Variants in RBL2 observed in about 807,000 individuals in gnomAD.
The protein encoded by RBL2 is retinoblastoma-like protein 2.
RBL2 carries 56 observed loss-of-function variants against 126.0 expected under a neutral mutation model. The observed-to-expected ratio is 0.44, with a 90% CI of 0.36 to 0.56. The LOEUF (loss-of-function observed/expected upper bound fraction) is 0.56, where lower values mean the gene tolerates loss of function less well. Ranked by LOEUF, RBL2 falls within the 20% of genes least tolerant of loss-of-function variation. The probability of loss-of-function intolerance (pLI) is 0.00; values close to 1 mark genes in which losing one functional copy is unlikely to be tolerated. For missense variants in RBL2, 1,229 were observed against 1,398.2 expected (o/e 0.88, Z 1.93); for synonymous variants, 454 against 478.5 (o/e 0.95, Z 0.67).
At chr16:53,449,949 C>T (rs1020387295) in intron 4 of RBL2, among the ~76,000 whole-genome samples, 8 of 143,578 alleles carry the variant, frequency 5.6e-5, no homozygotes, top group African/African-American at 2.0e-4. Context: ...TTAGATGTTA[C>T]AGTACTGCCT....
chr16:53,470,687 G>A (rs374267390), intron 16 of RBL2, 24 bp downstream of exon 16: 39 of 1,612,814 alleles, frequency 2.4e-5, no homozygotes, highest in Non-Finnish European at 3.2e-5. Context: ...TACCTTATCA[G>A]AGCATGAGCT....
chr16:53,444,788 C>T (rs2058046837), intron 3 of RBL2, among the ~76,000 whole-genome samples: 1 of 151,996 alleles, frequency 6.6e-6, no homozygotes, highest in Non-Finnish European at 1.5e-5. Context: ...TCGGAGGTTT[C>T]AGTGAGCTGC....
chr16:53,477,063 G>GTC (rs947468064), intron 17 of RBL2, among the ~76,000 whole-genome samples: 1 of 149,306 alleles, frequency 6.7e-6, no homozygotes, highest in Non-Finnish European at 1.5e-5. Context: ...CATTTTGTGT[G>GTC]TGTGTGTGTG....
Position 53,465,513 on chromosome 16 carries a change from C to G in RBL2, c.1774C>G (p.Gln592Glu), listed in dbSNP as rs1208321003. 6.2e-6 allele frequency: 10 copies of G among 1,605,950 alleles called. No individual in the cohort carries two copies. Among genetic ancestry groups the G allele is most frequent in the East Asian group, 2.3e-5 (1 of 44,246 alleles). Reference sequence around the variant, plus strand: ...AAAACACCTTAATCAGATTGAAGAACAGATCTTAGATCATTTGGCATGGAA... The same window carrying G: ...AAAACACCTTAATCAGATTGAAGAAGAGATCTTAGATCATTTGGCATGGAA... ...VVKHLNQIEE[Q>E]ILDHLAWKPE... The change falls in exon 13 of 22, where the codon CAG becomes GAG. Residue 592 changes from glutamine to glutamate, a missense_variant. Gln to Glu is a conservative substitution (Grantham distance 29). This residue lies in a region of RBL2 where 1,070 missense variants were observed against 1,274.3 expected (regional missense o/e 0.84). Coordinates refer to ENST00000262133, the MANE Select transcript of RBL2 (RefSeq NM_005611.4).
chr16:53,479,080 C>A, intron 17 of RBL2, 74 bp from the exon 18 acceptor site: 2 of 1,177,922 alleles, frequency 1.7e-6, no homozygotes, highest in Non-Finnish European at 2.5e-6. Context: ...TACTGGGCAG[C>A]AGGTTCACAG....
At chr16:53,464,654 C>T in intron 12 of RBL2, 1 of 234,186 alleles carries the variant, frequency 4.3e-6, no homozygotes, top group Non-Finnish European at 8.1e-6. Context: ...AAGTAGCACA[C>T]ATGTCACTAG....
At chr16:53,487,585 C>A (rs543062370) in intron 21 of RBL2, 1 of 152,142 alleles carries the variant, frequency 6.6e-6, no homozygotes, top group Non-Finnish European at 1.5e-5. Flanking sequence ...AACTACAAAA[C>A]CTCTAGAAGA....
At chr16:53,435,787 G>A in intron 1 of RBL2, 1 of 1,234,300 alleles carries the variant, frequency 8.1e-7, no homozygotes, top group Non-Finnish European at 1.1e-6. Flanking sequence ...GTACTGATGA[G>A]TGAGGTTATT....
chr16:53,463,503 A>G (rs2058242531), intron 11 of RBL2, among the ~76,000 whole-genome samples: 1 of 150,242 alleles, frequency 6.7e-6, no homozygotes, highest in Admixed American at 6.6e-5. Flanking sequence ...CGGCCTTCCA[A>G]AGTGCTGGAA....
At chr16:53,486,434 A>C (rs1004397329) in intron 21 of RBL2, among the ~76,000 whole-genome samples, 1 of 152,244 alleles carries the variant, frequency 6.6e-6, no homozygotes, top group South Asian at 2.1e-4. Context: ...TGGTTTAAAA[A>C]CCTCCTGTCA....
At chr16:53,435,641 T>G in intron 1 of RBL2, 1 of 1,287,566 alleles carries the variant, frequency 7.8e-7, no homozygotes, top group Admixed American at 2.3e-5. Context: ...TTTGACTGTG[T>G]GTGTGGCATT....
At chr16:53,473,762 A>G (rs1960610463) in intron 17 of RBL2, among the ~76,000 whole-genome samples, 1 of 152,032 alleles carries the variant, frequency 6.6e-6, no homozygotes, top group Non-Finnish European at 1.5e-5. Flanking sequence ...AAAGTATGAT[A>G]GTAGTTATGG....
intron 13 of RBL2, chr16:53,466,780 G>C (rs769091065): frequency 2.1e-5 from 6 of 287,406 alleles, no homozygotes; most frequent in Non-Finnish European, 4.0e-5. Context: ...AGGGTCCATG[G>C]CCCAGGGGTT....
At position 53,461,841 on chromosome 16, in the gene RBL2, T is replaced by C; in HGVS notation, c.1447T>C (p.Cys483Arg). The change falls in exon 10 of 22, where the codon TGT (cysteine) becomes CGT (arginine). Residue 483 changes from cysteine to arginine, a missense_variant. Cys to Arg is a radical substitution (Grantham distance 180). Transcript: ENST00000262133. ...HFQPDEDFSN[C>R]AKEIASKHFR... ...CCAGCCAGACGAGGATTTCAGTAATTGTGCTAAAGGTAAGGTTTAACATTG... is the reference window on the plus strand; with the variant it reads ...CCAGCCAGACGAGGATTTCAGTAATCGTGCTAAAGGTAAGGTTTAACATTG... The C allele has an allele frequency of 6.2e-7, 1 of 1,609,884 alleles. No homozygotes were observed. Among genetic ancestry groups the C allele is most frequent in the Non-Finnish European group, 8.5e-7 (1 of 1,176,614 alleles).
intron 17 of RBL2, among the ~76,000 whole-genome samples, chr16:53,472,838 A>G (rs543575375): frequency 6.6e-6 from 1 of 152,180 alleles, no homozygotes; most frequent in Admixed American, 6.6e-5. Context: ...GTTTTATCTC[A>G]TAGTTAGGTC....
intron 2 of RBL2, among the ~76,000 whole-genome samples, chr16:53,442,111 C>T (rs925390257): frequency 6.6e-6 from 1 of 151,996 alleles, no homozygotes; most frequent in African/African-American, 2.4e-5. Flanking sequence ...TGAGCTACTG[C>T]GCCTAGCCTT....
At chr16:53,452,193 G>A (rs2058122286) in intron 5 of RBL2, among the ~76,000 whole-genome samples, 1 of 152,154 alleles carries the variant, frequency 6.6e-6, no homozygotes, top group African/African-American at 2.4e-5. Flanking sequence ...TTTGTTGAAA[G>A]AATCTTACTT....
In RBL2 at chr16:53,453,495, T is replaced by C. The variant is rs2058135790; in HGVS notation, c.810T>C (p.Ser270=). ...ATGCTAAAGATTCTAAACCTTCCTCTGACCCCCCTTGTATCATTGAGAAAC... is the reference window on the plus strand; with the variant it reads ...ATGCTAAAGATTCTAAACCTTCCTCCGACCCCCCTTGTATCATTGAGAAAC... ...DFHAKDSKPS[S]DPPCIIEKLC... Residue 270 remains serine, a synonymous_variant, in exon 6 of 22, where the codon TCT becomes TCC. Coordinates refer to ENST00000262133, the MANE Select transcript of RBL2 (RefSeq NM_005611.4). 1 of 1,613,394 alleles carries C rather than the reference T, an allele frequency of 6.2e-7. No individual in the cohort carries two copies. The highest frequency in any genetic ancestry group is 8.5e-7 in the Non-Finnish European group (1 of 1,179,450).
Position 53,451,822 on chromosome 16 carries a change from A to C in RBL2, c.757A>C (p.Asn253His), listed in dbSNP as rs901517651. The change falls in exon 5 of 22, where the codon AAT (asparagine) becomes CAT (histidine). Residue 253 changes from asparagine to histidine, a missense_variant. Asn to His is a moderately conservative substitution (Grantham distance 68). Coordinates refer to ENST00000262133, the MANE Select transcript of RBL2 (RefSeq NM_005611.4). Reference sequence around the variant, plus strand: ...TAATCGTAAAGAACTTGTGAACCCTAATTTTAAAGGTAGGTTTGTAAATCA... The same window carrying C: ...TAATCGTAAAGAACTTGTGAACCCTCATTTTAAAGGTAGGTTTGTAAATCA... ...CSNRKELVNP[N>H]FKGLSEDFHA... The C allele has an allele frequency of 1.2e-6, 2 of 1,613,456 alleles. No homozygotes were observed. The highest frequency in any genetic ancestry group is 2.7e-5 in the African/African-American group (2 of 74,886).
Sources: gnomAD v4.1 joint callset for allele counts (sites outside exome capture counted in the v4.1 genomes callset) on GRCh38, gnomAD v4.1.1 for gene constraint, gnomAD v4.1.1 regional missense constraint, MANE v1.5 for transcripts, NCBI Gene and HGNC (gene_info 2026-07-23, HGNC 2026-07-21) for gene names.